The following RNF6 variants were observed in gnomAD, a reference collection of about 807,000 sequenced individuals.
RNF6 encodes ring finger protein 6, also known as E3 ubiquitin-protein ligase RNF6.
RNF6 carries 21 observed loss-of-function variants against 50.1 expected under a neutral mutation model. The ratio of observed to expected loss-of-function variants is 0.42; its 90% CI spans 0.30 to 0.60. The LOEUF is 0.60. RNF6 is among the 20% of genes least tolerant of loss of function. The probability of loss-of-function intolerance (pLI) is 0.20; values close to 1 mark genes in which losing one functional copy is unlikely to be tolerated. For missense variants in RNF6, 698 were observed against 838.2 expected (o/e 0.83, Z 2.07); for synonymous variants, 255 against 291.8 (o/e 0.87, Z 1.29).
intron 5 of RNF6, among the ~76,000 whole-genome samples, chr13:26,156,380 G>A (rs894962119): frequency 6.6e-6 from 1 of 152,158 alleles, no homozygotes; most frequent in African/African-American, 2.4e-5. Context: ...TTTAAAAGTG[G>A]AGGAAACAGA....
At chr13:26,186,636 A>G (rs1020545268) in intron 5 of RNF6, among the ~76,000 whole-genome samples, 1 of 152,184 alleles carries the variant, frequency 6.6e-6, no homozygotes, top group Admixed American at 6.5e-5. Flanking sequence ...TCGTCTTCTC[A>G]GCTCTCACAG....
intron 5 of RNF6, among the ~76,000 whole-genome samples, chr13:26,200,845 G>C (rs1021730110): frequency 3.3e-5 from 5 of 152,342 alleles, no homozygotes; most frequent in Middle Eastern, 3.4e-3. Context: ...AGTGTTTGCA[G>C]TGACCTGTGA....
At chr13:26,206,189 C>T (rs572959316) in intron 5 of RNF6, among the ~76,000 whole-genome samples, 1 of 151,990 alleles carries the variant, frequency 6.6e-6, no homozygotes, top group Non-Finnish European at 1.5e-5. Context: ...GCCTCCCCCC[C>T]ACCACCCTCC....
intron 5 of RNF6, among the ~76,000 whole-genome samples, chr13:26,202,543 C>T (rs905425837): frequency 6.6e-6 from 1 of 152,198 alleles, no homozygotes; most frequent in Non-Finnish European, 1.5e-5. Context: ...GAAGCATTAA[C>T]TGTTAAAGCT....
At chr13:26,165,973 T>A (rs914090928) in intron 5 of RNF6, among the ~76,000 whole-genome samples, 2 of 152,028 alleles carry the variant, frequency 1.3e-5, no homozygotes, top group African/African-American at 4.8e-5. Context: ...GGACATGAGA[T>A]TTGGGAGGGA....
chr13:26,156,436 C>T (rs1450098937), intron 5 of RNF6, among the ~76,000 whole-genome samples: 1 of 152,156 alleles, frequency 6.6e-6, no homozygotes, highest in African/African-American at 2.4e-5. Context: ...ACATTATTCT[C>T]TCAGTCTTTG....
intron 5 of RNF6, among the ~76,000 whole-genome samples, chr13:26,162,537 G>A (rs779372173): frequency 6.6e-6 from 1 of 152,142 alleles, no homozygotes; most frequent in Non-Finnish European, 1.5e-5. Flanking sequence ...TCTCATGGAA[G>A]AACACAGAAC....
Position 26,221,266 on chromosome 13 carries a change from C to T in RNF6, c.-37G>A, listed in dbSNP as rs937567458. On this transcript the variant is annotated 5_prime_UTR_variant, in exon 2 of 5. It adds an upstream start codon to the 5' untranslated region. Coordinates refer to ENST00000381588, the MANE Select transcript of RNF6 (RefSeq NM_005977.4). ...CGAATACCTTATTTTCCTTTCAACA[C>T]GCTTTTAACATATGCCATGGTATCC... 2 of 152,162 alleles carry T rather than the reference C, an allele frequency of 1.3e-5. No homozygotes were observed. The highest frequency in any genetic ancestry group is 2.9e-5 in the Non-Finnish European group (2 of 68,036). The allele number at this position is 152,162 out of a possible 1,614,324, so 9.4% of individuals were successfully genotyped here. A position where few individuals can be genotyped will look rare whatever the true frequency, so the allele number is the denominator to read the frequency against.
chr13:26,161,411 G>A (rs1872208482), intron 5 of RNF6, among the ~76,000 whole-genome samples: 3 of 152,164 alleles, frequency 2.0e-5, no homozygotes, highest in African/African-American at 7.2e-5. Flanking sequence ...AATGGTTTGG[G>A]TAAAGTTGAC....
At chr13:26,181,424 C>T (rs1181126236) in intron 5 of RNF6, among the ~76,000 whole-genome samples, 1 of 152,208 alleles carries the variant, frequency 6.6e-6, no homozygotes, top group Non-Finnish European at 1.5e-5. Flanking sequence ...AATGCCTAGG[C>T]TGTTGGCAAC....
Position 26,215,165 on chromosome 13 carries a change from A to G in RNF6, c.717T>C (p.Ile239=). The G allele has an allele frequency of 6.2e-7, 1 of 1,614,132 alleles. No homozygotes were observed. The highest frequency in any genetic ancestry group is 8.5e-7 in the Non-Finnish European group (1 of 1,180,028). ...CTCGAGGAATGCCAGCTGCTCCCCC[A>G]ATTCCATTTCTTAACCTTCCCAATG... ...FSTLGRLRNG[I]GGAAGIPRAN... is the part of the protein sequence containing the mutation. The change falls in exon 5 of 5, where the codon ATT becomes ATC. Residue 239 remains isoleucine, a synonymous_variant. Transcript: ENST00000381588.
intron 5 of RNF6, among the ~76,000 whole-genome samples, chr13:26,175,142 G>T (rs146862072): frequency 6.6e-5 from 10 of 152,176 alleles, no homozygotes; most frequent in African/African-American, 2.4e-4. Context: ...GTGCAATGGC[G>T]TGATCTCGGC....
At chr13:26,200,446 G>A (rs575285319) in intron 5 of RNF6, among the ~76,000 whole-genome samples, 72 of 129,496 alleles carry the variant, frequency 5.6e-4, no homozygotes, top group African/African-American at 1.9e-3. Flanking sequence ...TTTTGCTCTT[G>A]TTGTCCAGTC....
chr13:26,186,682 G>T (rs1220978994), intron 5 of RNF6, among the ~76,000 whole-genome samples: 1 of 152,234 alleles, frequency 6.6e-6, no homozygotes, highest in Non-Finnish European at 1.5e-5. Context: ...GCCACAGGTA[G>T]CGCGTTCCTT....
chr13:26,222,922 G>A (rs1870655256), upstream of RNF6, among the ~76,000 whole-genome samples: 1 of 152,102 alleles, frequency 6.6e-6, no homozygotes, highest in East Asian at 1.9e-4. Context: ...TATATTTTGT[G>A]TTTTTTCACC....
At chr13:26,172,828 C>T (rs146873652) in intron 5 of RNF6, among the ~76,000 whole-genome samples, 1,768 of 152,164 alleles carry the variant, frequency 0.012, 24 homozygotes, top group African/African-American at 0.038. Context: ...CAGGCGTGAG[C>T]CACCGCACCC....
intron 5 of RNF6, among the ~76,000 whole-genome samples, chr13:26,203,251 C>G (rs1160056746): frequency 2.0e-5 from 3 of 152,168 alleles, no homozygotes; most frequent in Non-Finnish European, 4.4e-5. Context: ...CAGAGGAGAG[C>G]AGTGGAGAAG....
intron 5 of RNF6, among the ~76,000 whole-genome samples, chr13:26,160,689 C>T (rs376700869): frequency 6.6e-5 from 10 of 151,950 alleles, no homozygotes; most frequent in Admixed American, 2.0e-4. Context: ...GTTGCCCTAA[C>T]AAAATACTAC....
chr13:26,189,307 G>A (rs780194685), intron 5 of RNF6, among the ~76,000 whole-genome samples: 21 of 145,980 alleles, frequency 1.4e-4, no homozygotes, highest in African/African-American at 3.7e-4. Flanking sequence ...CAGCCTGGGC[G>A]ACAGAGCCAG....
Sources: allele counts gnomAD v4.1 joint callset (sites outside exome capture counted in the v4.1 genomes callset), GRCh38; gene constraint gnomAD v4.1.1; transcripts MANE v1.5; gene names NCBI Gene and HGNC (gene_info 2026-07-23, HGNC 2026-07-21).